MEI4: variants seen among roughly 807,000 people sequenced by gnomAD.
MEI4 encodes the protein meiotic double-stranded break formation protein 4.
Under a neutral mutation model 31.4 loss-of-function variants are expected in MEI4, and 27 were observed. The observed-to-expected ratio is 0.86, with a 90% CI of 0.63 to 1.19. MEI4 has a LOEUF of 1.19. Among genes scored for constraint, MEI4 ranks in the 50% most tolerant of loss-of-function variants. The probability of loss-of-function intolerance (pLI) is 0.00; values close to 1 mark genes in which losing one functional copy is unlikely to be tolerated. For missense variants in MEI4, 329 were observed against 398.9 expected (o/e 0.82, Z 1.49); for synonymous variants, 122 against 145.4 (o/e 0.84, Z 1.16).
rs1433004954 is a variant in MEI4 at position 77,847,896 on chromosome 6, T to C, written c.900+18834T>C. On this transcript the variant is annotated intron_variant, in intron 4 of 4. Transcript: ENST00000684080. The surrounding 1 kb of genome is among the most constrained non-coding windows in gnomAD (Gnocchi z 4.6). ...TTACTGACCCTGAAACTCACATTACTTGTTTTCCAAGCTGTAATTCACTCA... is the reference window on the plus strand; with the variant it reads ...TTACTGACCCTGAAACTCACATTACCTGTTTTCCAAGCTGTAATTCACTCA... Among the ~76,000 whole-genome samples the C allele has an allele frequency of 6.6e-6, 1 of 152,172 alleles. No homozygotes were observed. Among genetic ancestry groups the C allele is most frequent in the East Asian group, 1.9e-4 (1 of 5,194 alleles).
chr6:77,901,966 C>G (rs1766196300), intron 4 of MEI4, among the ~76,000 whole-genome samples: 1 of 151,908 alleles, frequency 6.6e-6, no homozygotes, highest in South Asian at 2.1e-4. Flanking sequence ...AGAGATTGTC[C>G]TTTTTCTATT....
intron 3 of MEI4, among the ~76,000 whole-genome samples, chr6:77,789,246 A>G (rs1034620180): frequency 6.6e-6 from 1 of 152,204 alleles, no homozygotes; most frequent in African/African-American, 2.4e-5. Context: ...CCTTATACAA[A>G]AATCAATTCA....
chr6:77,741,707 G>A (rs970287066), intron 2 of MEI4, among the ~76,000 whole-genome samples: 1 of 151,256 alleles, frequency 6.6e-6, no homozygotes, highest in African/African-American at 2.4e-5. Context: ...CCATGCTGGT[G>A]TGCTGCACCC....
At chr6:77,713,453 A>G (rs1053844384) in intron 2 of MEI4, among the ~76,000 whole-genome samples, 5 of 152,216 alleles carry the variant, frequency 3.3e-5, no homozygotes, top group African/African-American at 1.2e-4. Flanking sequence ...GCTGTTAAGT[A>G]GATTATGTTG....
intron 3 of MEI4, among the ~76,000 whole-genome samples, chr6:77,794,571 CA>C (rs905895249): frequency 6.6e-6 from 1 of 151,656 alleles, no homozygotes; most frequent in Non-Finnish European, 1.5e-5. Flanking sequence ...CAAAACAAAA[CA>C]AAAAACCTAA....
intron 4 of MEI4, among the ~76,000 whole-genome samples, chr6:77,908,950 CAGAA>C (rs1444835806): frequency 6.6e-6 from 1 of 152,050 alleles, no homozygotes; most frequent in Non-Finnish European, 1.5e-5. Context: ...AACAACGAGA[CAGAA>C]AGTTAACAAG....
intron 3 of MEI4, among the ~76,000 whole-genome samples, chr6:77,804,256 G>A (rs1159942150): frequency 1.3e-5 from 2 of 151,898 alleles, no homozygotes; most frequent in Non-Finnish European, 2.9e-5. Flanking sequence ...TCTGAGCCAT[G>A]TACGGGATAT....
chr6:77,658,501 T>C (rs535483395), intron 1 of MEI4, among the ~76,000 whole-genome samples: 1 of 152,030 alleles, frequency 6.6e-6, no homozygotes, highest in South Asian at 2.1e-4. Context: ...CAAAATAGTG[T>C]TGAAGTGTTG....
In MEI4 at chr6:77,796,204, G is replaced by A. The variant is rs73760050; in HGVS notation, c.769-32727G>A. On this transcript the variant is annotated intron_variant, in intron 3 of 4. Transcript: ENST00000684080. ...TATGATACCATCTCTCAACAAATTA[G>A]GTATAGAAGGAATGCACTTCAACAT... Among the ~76,000 whole-genome samples, 804 of 152,048 alleles carry A rather than the reference G, an allele frequency of 5.3e-3. 8 individuals carry two copies. The highest frequency in any genetic ancestry group is 0.018 in the African/African-American group (765 of 41,484).
chr6:77,767,693 T>TCACACA lies in MEI4; in HGVS notation c.768+6050_768+6055dup, dbSNP rs10612233. On this transcript the variant is annotated intron_variant, in intron 3 of 4. Transcript: ENST00000684080. Reference sequence around the variant, plus strand: ...GCCTGGGCCACAGAGCAGGAAACTGTCACACACACACACACACACACACAC... The same window carrying TCACACA: ...GCCTGGGCCACAGAGCAGGAAACTGTCACACACACACACACACACACACACACACAC... 1.9e-3 allele frequency among the ~76,000 whole-genome samples: 286 copies of TCACACA among 149,296 alleles called. 2 individuals carry two copies. Among genetic ancestry groups the TCACACA allele is most frequent in the African/African-American group, 6.7e-3 (274 of 40,660 alleles).
intron 4 of MEI4, among the ~76,000 whole-genome samples, chr6:77,844,460 A>G (rs1770433022): frequency 6.6e-6 from 1 of 152,168 alleles, no homozygotes; most frequent in Non-Finnish European, 1.5e-5. Context: ...TAATTTCAAC[A>G]ATGTTCTGAA....
intron 1 of MEI4, among the ~76,000 whole-genome samples, chr6:77,665,119 A>G (rs1344734831): frequency 6.6e-6 from 1 of 151,444 alleles, no homozygotes; most frequent in Non-Finnish European, 1.5e-5. Context: ...TGGGGCGCAG[A>G]GATAAGAGGT....
intron 1 of MEI4, among the ~76,000 whole-genome samples, chr6:77,671,763 G>A (rs922089622): frequency 1.3e-5 from 2 of 152,120 alleles, no homozygotes; most frequent in African/African-American, 2.4e-5. Flanking sequence ...GGTAGATGAA[G>A]GGGAATGAAC....
chr6:77,917,951 G>A (rs1021758527), intron 4 of MEI4, among the ~76,000 whole-genome samples: 11 of 150,938 alleles, frequency 7.3e-5, no homozygotes, highest in Non-Finnish European at 1.0e-4. Flanking sequence ...TGTATAAGGT[G>A]TAAGGAAGGG....
chr6:77,744,077 G>A (rs952509072), intron 2 of MEI4, among the ~76,000 whole-genome samples: 3 of 152,188 alleles, frequency 2.0e-5, no homozygotes, highest in Admixed American at 1.3e-4. Flanking sequence ...CTCCTCCAAA[G>A]GAATGCAGTT....
At chr6:77,920,730 A>G (rs1271373718) in intron 4 of MEI4, among the ~76,000 whole-genome samples, 2 of 151,904 alleles carry the variant, frequency 1.3e-5, no homozygotes, top group African/African-American at 2.4e-5. Flanking sequence ...ATGGGCTGCA[A>G]AATAGATGTG....
At chr6:77,761,795 T>A in intron 3 of MEI4, 130 bp downstream of exon 3, 1 of 504,048 alleles carries the variant, frequency 2.0e-6, no homozygotes, top group Non-Finnish European at 3.1e-6. Flanking sequence ...TTTCTGCAGC[T>A]GTCTGCAGCT....
intron 4 of MEI4, among the ~76,000 whole-genome samples, chr6:77,887,631 G>T (rs1194530851): frequency 6.6e-6 from 1 of 152,096 alleles, no homozygotes; most frequent in East Asian, 1.9e-4. Context: ...TTACATTGTG[G>T]TCTGAAAAGT....
chr6:77,833,776 C>T (rs1770139113), intron 4 of MEI4, among the ~76,000 whole-genome samples: 1 of 152,132 alleles, frequency 6.6e-6, no homozygotes, highest in Non-Finnish European at 1.5e-5. Context: ...CTAATGCTCT[C>T]CCCTACCTTT....
Sources: allele counts gnomAD v4.1 joint callset (sites outside exome capture counted in the v4.1 genomes callset), GRCh38; gene constraint gnomAD v4.1.1; non-coding constraint Gnocchi (gnomAD v3.1); transcripts MANE v1.5; gene names NCBI Gene and HGNC (gene_info 2026-07-23, HGNC 2026-07-21).